UIMC1: variants seen among roughly 807,000 people sequenced by gnomAD.
The protein encoded by UIMC1 is ubiquitin interaction motif containing 1.
Under a neutral mutation model 84.9 loss-of-function variants are expected in UIMC1, and 42 were observed. That is an observed-to-expected ratio of 0.49 (90% CI 0.39 to 0.64). The LOEUF is 0.64. Ranked by LOEUF, UIMC1 falls within the 30% of genes least tolerant of loss-of-function variation. The pLI, the probability that UIMC1 is intolerant of heterozygous loss-of-function variation, is 0.00. For synonymous variants in UIMC1, 281 were observed against 293.0 expected (o/e 0.96, Z 0.42); for missense variants, 825 against 847.6 (o/e 0.97, Z 0.33).
intron 11 of UIMC1, among the ~76,000 whole-genome samples, chr5:176,909,824 A>G (rs1334091595): frequency 1.3e-5 from 2 of 152,230 alleles, no homozygotes; most frequent in Admixed American, 6.5e-5. Flanking sequence ...GAAGTACTGC[A>G]TAAGAGGCAG....
intron 9 of UIMC1, among the ~76,000 whole-genome samples, chr5:176,950,818 C>T (rs958170803): frequency 2.6e-5 from 4 of 151,820 alleles, no homozygotes; most frequent in Non-Finnish European, 4.4e-5. Flanking sequence ...TGCAGTGAGC[C>T]GAGATCGTGC....
intron 1 of UIMC1, among the ~76,000 whole-genome samples, chr5:176,993,517 T>C (rs1287187100): frequency 1.3e-5 from 2 of 152,078 alleles, no homozygotes; most frequent in Admixed American, 6.6e-5. Context: ...TTTAAAAATA[T>C]ATCTAATCAT....
intron 10 of UIMC1, among the ~76,000 whole-genome samples, chr5:176,918,896 A>G (rs1172450502): frequency 2.6e-5 from 4 of 152,182 alleles, no homozygotes; most frequent in Admixed American, 6.5e-5. Context: ...GAACAAAAAC[A>G]CATACAACGT....
chr5:176,938,776 C>A (rs558594243), intron 10 of UIMC1, among the ~76,000 whole-genome samples: 14 of 152,234 alleles, frequency 9.2e-5, no homozygotes, highest in Non-Finnish European at 1.8e-4. Context: ...TTATTCACTG[C>A]AGCTCTCCTT....
intron 10 of UIMC1, among the ~76,000 whole-genome samples, chr5:176,919,726 C>T (rs1489590350): frequency 6.6e-6 from 1 of 152,206 alleles, no homozygotes; most frequent in Non-Finnish European, 1.5e-5. Context: ...GTTGTCCCAG[C>T]ACTACATATT....
chr5:176,982,062 T>G (rs537812378), intron 2 of UIMC1, among the ~76,000 whole-genome samples: 247 of 152,344 alleles, frequency 1.6e-3, no homozygotes, highest in African/African-American at 5.7e-3. Flanking sequence ...ACAGAGAAGC[T>G]GATTTTTAAT....
In UIMC1 at chr5:177,011,945, C is replaced by T. The variant is rs1043948379; in HGVS notation, c.-9+10519G>A. On this transcript the variant is annotated intron_variant, in intron 1 of 5. Transcript: ENST00000509236. The stretch of plus-strand genomic sequence containing the variant: ...CCTCCCGAGTAGCTAGGATTACAGG[C>T]GCCCGCCACCACGCCCAGCTAATTT... Among the ~76,000 whole-genome samples, 5 of 152,000 alleles carry T rather than the reference C, an allele frequency of 3.3e-5. No individual in the cohort carries two copies. In the South Asian group the frequency reaches 1.0e-3, roughly 31 times the overall value.
chr5:176,939,894 A>G (rs1229779052), intron 10 of UIMC1, among the ~76,000 whole-genome samples: 1 of 152,218 alleles, frequency 6.6e-6, no homozygotes, highest in African/African-American at 2.4e-5. Context: ...TGCCGAGAAT[A>G]CAGGGACTTT....
At chr5:176,923,874 A>AAAT (rs1554109431) in intron 10 of UIMC1, among the ~76,000 whole-genome samples, 5 of 146,276 alleles carry the variant, frequency 3.4e-5, no homozygotes, top group African/African-American at 5.1e-5. Flanking sequence ...AAAAAAAAAA[A>AAAT]ATATATATAT....
intron 10 of UIMC1, among the ~76,000 whole-genome samples, chr5:176,935,966 C>CAG (rs1763670752): frequency 6.6e-6 from 1 of 152,196 alleles, no homozygotes; most frequent in Admixed American, 6.5e-5. Context: ...TATCTAGACT[C>CAG]AAAGTGTATA....
chr5:176,954,119 C>G (rs1445711615), intron 8 of UIMC1, among the ~76,000 whole-genome samples: 1 of 152,186 alleles, frequency 6.6e-6, no homozygotes, highest in Non-Finnish European at 1.5e-5. Context: ...AAGTCATGAT[C>G]ATAAAAGCTA....
chr5:177,022,555 T>C, exon 1 of UIMC1: 1 of 595,856 alleles, frequency 1.7e-6, no homozygotes, highest in East Asian at 3.4e-5. Context: ...GGTTTCCGAA[T>C]CCACGGCACA....
chr5:176,929,077 C>A (rs901557609), intron 10 of UIMC1, among the ~76,000 whole-genome samples: 1 of 151,108 alleles, frequency 6.6e-6, no homozygotes, highest in Non-Finnish European at 1.5e-5. Context: ...TATAGTGAAA[C>A]CCTGTCTCTA....
intron 7 of UIMC1, among the ~76,000 whole-genome samples, chr5:176,956,931 T>C (rs990043950): frequency 6.6e-6 from 1 of 152,178 alleles, no homozygotes; most frequent in Non-Finnish European, 1.5e-5. Context: ...TTACTCTGCA[T>C]GTAACATTAG....
chr5:176,942,700 C>T (rs983306485), intron 10 of UIMC1, among the ~76,000 whole-genome samples: 2 of 144,790 alleles, frequency 1.4e-5, no homozygotes, highest in South Asian at 2.2e-4. Context: ...GAGCCAAGAT[C>T]GCACCACTGC....
Position 176,970,778 on chromosome 5 carries a change from CTCT to C in UIMC1, c.318_320del (p.Glu108del), listed in dbSNP as rs1247020264. On this transcript the variant is annotated inframe_deletion, in exon 4 of 15. Transcript: ENST00000511320. ...CAGCAATGGCTTTCCTCAAGAGCTC[CTCT>C]TCTTCCTCCTCCTGGCTGTTCACCT... 3.1e-6 allele frequency: 5 copies of C among 1,614,126 alleles called. No individual in the cohort carries two copies. The highest frequency in any genetic ancestry group is 4.2e-6 in the Non-Finnish European group (5 of 1,180,040).
At position 176,911,340 on chromosome 5, in the gene UIMC1, T is replaced by C; in HGVS notation, c.1647A>G (p.Thr549=). 6.2e-7 allele frequency: 1 copy of C among 1,600,436 alleles called. No individual in the cohort carries two copies. Among genetic ancestry groups the C allele is most frequent in the Non-Finnish European group, 8.5e-7 (1 of 1,172,464 alleles). The change falls in exon 11 of 15, where the codon ACA becomes ACG. Residue 549 remains threonine, a synonymous_variant. Transcript: ENST00000511320. ...CAATGTCTAGAGAAGTCTGGGCAGC[T>C]GTCCCACTGTCACTCTTGGTCTTGG... ...KEAKTKSDSG[T]AAQTSLDIDK... is the part of the protein sequence containing the mutation.
intron 14 of UIMC1, 97 bp downstream of exon 14, chr5:176,905,914 C>T: frequency 7.6e-7 from 1 of 1,318,344 alleles, no homozygotes; most frequent in Non-Finnish European, 1.1e-6. Flanking sequence ...ATTTCTACTG[C>T]AACAGTCTGA....
intron 6 of UIMC1, among the ~76,000 whole-genome samples, chr5:176,967,603 AAAT>A (rs1236415859): frequency 6.6e-6 from 1 of 152,152 alleles, no homozygotes; most frequent in East Asian, 1.9e-4. Flanking sequence ...AACCTTTCAG[AAAT>A]AATAATAATT....
Sources: allele counts gnomAD v4.1 joint callset (sites outside exome capture counted in the v4.1 genomes callset), GRCh38; gene constraint gnomAD v4.1.1; transcripts MANE v1.5; gene names NCBI Gene and HGNC (gene_info 2026-07-23, HGNC 2026-07-21).